WARS2: variants seen among roughly 807,000 people sequenced by gnomAD.
WARS2 encodes tryptophan--tRNA ligase, mitochondrial.
Under a neutral mutation model 36.5 loss-of-function variants are expected in WARS2, and 28 were observed. The ratio of observed to expected loss-of-function variants is 0.77; its 90% CI spans 0.57 to 1.05. The LOEUF (loss-of-function observed/expected upper bound fraction) is 1.05, where lower values mean the gene tolerates loss of function less well. WARS2 is among the 50% of genes least tolerant of loss of function. The pLI is 0.00. For missense variants in WARS2, 435 were observed against 456.8 expected (o/e 0.95, Z 0.44); for synonymous variants, 174 against 178.4 (o/e 0.98, Z 0.20).
chr1:119,058,711 T>A (rs1451497618), intron 2 of WARS2, among the ~76,000 whole-genome samples: 1 of 125,618 alleles, frequency 8.0e-6, no homozygotes, highest in Non-Finnish European at 1.6e-5. Flanking sequence ...TCTATCATTG[T>A]TGGACATTTG....
chr1:119,075,958 C>T (rs1291144336), intron 2 of WARS2, among the ~76,000 whole-genome samples: 2 of 152,122 alleles, frequency 1.3e-5, no homozygotes, highest in African/African-American at 2.4e-5. Flanking sequence ...AATAAAGCAA[C>T]ATTGGAATTA....
intron 1 of WARS2, among the ~76,000 whole-genome samples, chr1:119,097,630 T>G (rs184640000): frequency 4.6e-5 from 7 of 152,310 alleles, no homozygotes; most frequent in Non-Finnish European, 8.8e-5. Flanking sequence ...CTACAATGCT[T>G]TGTCCTCCCT....
At chr1:119,050,408 G>C (rs1649243641) in intron 2 of WARS2, among the ~76,000 whole-genome samples, 1 of 151,902 alleles carries the variant, frequency 6.6e-6, no homozygotes, top group South Asian at 2.1e-4. Flanking sequence ...CTTTATGTTT[G>C]GCTTATTTAT....
intron 2 of WARS2, among the ~76,000 whole-genome samples, chr1:119,048,787 C>T (rs1407948144): frequency 6.7e-6 from 1 of 148,864 alleles, no homozygotes; most frequent in Non-Finnish European, 1.5e-5. Flanking sequence ...AAGACCCGGC[C>T]AGGCGCGGTG....
chr1:119,117,428 G>A (rs1269481478), intron 1 of WARS2, among the ~76,000 whole-genome samples: 1 of 152,114 alleles, frequency 6.6e-6, no homozygotes, highest in African/African-American at 2.4e-5. Flanking sequence ...TACTCATCCT[G>A]GCCAATGTAG....
At chr1:119,093,137 C>T (rs1041259494) in intron 1 of WARS2, among the ~76,000 whole-genome samples, 1 of 152,012 alleles carries the variant, frequency 6.6e-6, no homozygotes, top group African/African-American at 2.4e-5. Context: ...GCAATTATCC[C>T]CATGAATCAA....
At chr1:119,078,485 C>T (rs1003556198) in intron 1 of WARS2, among the ~76,000 whole-genome samples, 1 of 152,158 alleles carries the variant, frequency 6.6e-6, no homozygotes, top group African/African-American at 2.4e-5. Flanking sequence ...TCCATATCCT[C>T]ATCAACACTT....
intron 2 of WARS2, among the ~76,000 whole-genome samples, chr1:119,057,487 G>A (rs1649923677): frequency 6.6e-6 from 1 of 151,842 alleles, no homozygotes; most frequent in African/African-American, 2.4e-5. Context: ...CAAATAAAGT[G>A]GCCATTTAAA....
chr1:119,085,633 G>A (rs1480262433), intron 1 of WARS2: 28 of 1,430,602 alleles, frequency 2.0e-5, no homozygotes, highest in South Asian at 4.6e-5. Context: ...TGATCCACTC[G>A]GATAGTTCTT....
chr1:119,112,252 A>T (rs1275939791), intron 1 of WARS2, among the ~76,000 whole-genome samples: 1 of 152,148 alleles, frequency 6.6e-6, no homozygotes, highest in Non-Finnish European at 1.5e-5. Context: ...GTTAGGATGA[A>T]GTGGAGATGT....
At chr1:119,094,853 A>T (rs1478986836) in intron 1 of WARS2, among the ~76,000 whole-genome samples, 3 of 152,154 alleles carry the variant, frequency 2.0e-5, no homozygotes, top group African/African-American at 7.2e-5. Flanking sequence ...CTTTACAAAG[A>T]ATTCTTGTAC....
At chr1:119,039,187 A>G (rs1648135444) in intron 4 of WARS2, among the ~76,000 whole-genome samples, 1 of 152,220 alleles carries the variant, frequency 6.6e-6, no homozygotes, top group Non-Finnish European at 1.5e-5. Flanking sequence ...ATGAGTGTGT[A>G]GCAGTTAGTA....
At position 119,140,578 on chromosome 1, in the gene WARS2, AT is replaced by A; in HGVS notation, c.66del (p.Ser23ProfsTer38). 6.2e-7 allele frequency: 1 copy of A among 1,613,576 alleles called. No individual in the cohort carries two copies. ...ACCTGGAGAGCGGGAGCAGCTGCGG[AT>A]CCCTTATGAAGTGCCCGGATGAAGC... is the stretch of plus-strand genomic sequence containing the variant. ...RWSFIRALHKGSAAAPALQKD... is the reference protein window; with the variant it reads ...RWSFIRALHKXSAAAPALQKD... On this transcript the variant is annotated frameshift_variant, in exon 1 of 6. Transcript: ENST00000235521. LOFTEE classifies it high-confidence loss of function.
At chr1:119,077,275 G>A (rs1401733462) in intron 1 of WARS2, among the ~76,000 whole-genome samples, 2 of 152,130 alleles carry the variant, frequency 1.3e-5, no homozygotes, top group Non-Finnish European at 2.9e-5. Flanking sequence ...ACAGAATAGG[G>A]TTCAGAGAGG....
chr1:119,104,224 G>A (rs1188495761), intron 1 of WARS2, among the ~76,000 whole-genome samples: 4 of 151,464 alleles, frequency 2.6e-5, no homozygotes, highest in Admixed American at 2.0e-4. Flanking sequence ...ATATAGAGAT[G>A]TAACAAATTC....
At chr1:119,042,821 T>C (rs1402926250) in intron 3 of WARS2, among the ~76,000 whole-genome samples, 1 of 152,080 alleles carries the variant, frequency 6.6e-6, no homozygotes, top group Non-Finnish European at 1.5e-5. Flanking sequence ...TAAAATCACA[T>C]TTAAATAACA....
intron 2 of WARS2, among the ~76,000 whole-genome samples, chr1:119,048,893 T>A (rs1227673106): frequency 2.0e-5 from 3 of 151,920 alleles, no homozygotes; most frequent in Non-Finnish European, 4.4e-5. Context: ...GCGAAACCCG[T>A]CTCTACTAAA....
intron 1 of WARS2, chr1:119,085,739 C>G: frequency 6.3e-7 from 1 of 1,577,320 alleles, no homozygotes; most frequent in South Asian, 1.1e-5. Flanking sequence ...ATTTCCCAGT[C>G]TTCTTGTCCC....
intron 1 of WARS2, among the ~76,000 whole-genome samples, chr1:119,133,369 A>G (rs587746957): frequency 1.8e-4 from 28 of 152,374 alleles, no homozygotes; most frequent in Middle Eastern, 3.4e-3. Flanking sequence ...TTTAAAAGTT[A>G]CAAGGCAGTT....
Sources: allele counts gnomAD v4.1 joint callset (sites outside exome capture counted in the v4.1 genomes callset), GRCh38; gene constraint gnomAD v4.1.1; transcripts MANE v1.5; gene names NCBI Gene and HGNC (gene_info 2026-07-23, HGNC 2026-07-21).